SHMT2: variants seen among roughly 807,000 people sequenced by gnomAD.
SHMT2 encodes serine hydroxymethyltransferase, mitochondrial.
Under a neutral mutation model 59.6 loss-of-function variants are expected in SHMT2, and 38 were observed. That is an observed-to-expected ratio of 0.64 (90% CI 0.49 to 0.84). The LOEUF is 0.84. Ranked by LOEUF, SHMT2 falls within the 40% of genes least tolerant of loss-of-function variation. SHMT2 has a pLI of 0.00. For missense variants in SHMT2, 533 were observed against 659.5 expected (o/e 0.81, Z 2.10); for synonymous variants, 254 against 258.1 (o/e 0.98, Z 0.15).
At chr12:57,233,437 G>A (rs1256446958) in intron 8 of SHMT2, 92 bp downstream of exon 8, 2 of 1,510,624 alleles carry the variant, frequency 1.3e-6, no homozygotes, top group East Asian at 2.3e-5. Flanking sequence ...GCTGATGGAA[G>A]GGAAATGCCA....
rs758782130 is a variant in SHMT2 at position 57,231,757 on chromosome 12, G to A, written c.356G>A (p.Cys119Tyr). 7 of 1,614,108 alleles carry A rather than the reference G, an allele frequency of 4.3e-6. No homozygotes were observed. Among genetic ancestry groups the A allele is most frequent in the Admixed American group, 1.7e-5 (1 of 60,014 alleles). ...AEVVDEIELL[C>Y]QRRALEAFDL... is the part of the protein sequence containing the mutation. ...GTGGTGGATGAAATTGAGCTGCTGT[G>A]CCAGCGCCGGGCCTTGGAAGCCTTT... The change falls in exon 4 of 12, where the codon TGC becomes TAC. Residue 119 changes from cysteine to tyrosine, a missense_variant. Cys to Tyr is a radical substitution (Grantham distance 194, BLOSUM62 -2). Coordinates refer to ENST00000328923, the MANE Select transcript of SHMT2 (RefSeq NM_005412.6).
rs1402843290 is a variant in SHMT2 at position 57,231,766 on chromosome 12, G to A, written c.365G>A (p.Arg122Gln). The A allele has an allele frequency of 5.6e-6, 9 of 1,614,068 alleles. No individual in the cohort carries two copies. The highest frequency in any genetic ancestry group is 2.2e-5 in the South Asian group (2 of 91,094). ...VDEIELLCQRRALEAFDLDPA... is the reference protein window; with the variant it reads ...VDEIELLCQRQALEAFDLDPA... ...GAAATTGAGCTGCTGTGCCAGCGCC[G>A]GGCCTTGGAAGCCTTTGACCTGGAT... is the stretch of plus-strand genomic sequence containing the variant. Residue 122 changes from arginine (R) to glutamine (Q), a missense_variant, in exon 4 of 12, where the codon CGG (arginine) becomes CAG (glutamine). Physicochemically the swap from Arg to Gln is conservative, Grantham distance 43. Transcript: ENST00000328923.
At chr12:57,230,100 G>A (rs759414309) in intron 1 of SHMT2, 26 of 1,356,402 alleles carry the variant, frequency 1.9e-5, no homozygotes, top group Non-Finnish European at 1.7e-5. Flanking sequence ...ACCCGGTGCT[G>A]GCAAATGAGC....
Position 57,233,989 on chromosome 12 carries a change from G to A in SHMT2, c.1280-14G>A. 1.2e-6 allele frequency: 2 copies of A among 1,614,186 alleles called. No homozygotes were observed. Among genetic ancestry groups the A allele is most frequent in the Admixed American group, 1.7e-5 (1 of 60,030 alleles). ...TTGGGCTATGCTCATCCCTCCCCTTGTGCCTCGTTCCAGGGGCCCCAGCCT... is the reference window on the plus strand; with the variant it reads ...TTGGGCTATGCTCATCCCTCCCCTTATGCCTCGTTCCAGGGGCCCCAGCCT... On this transcript the variant is annotated splice_polypyrimidine_tract_variant and intron_variant, in intron 10 of 11. Coordinates refer to ENST00000328923, the MANE Select transcript of SHMT2 (RefSeq NM_005412.6).
rs761994073 is a variant in SHMT2 at position 57,233,550 on chromosome 12, G to C, written c.1024-13G>C. On this transcript the variant is annotated splice_polypyrimidine_tract_variant and intron_variant, in intron 8 of 11. Transcript: ENST00000328923. ...CAGGCCTAGGGTGACAGCTGCTACT[G>C]TCTCATCTCCAGGCCTGCACCCCCA... The C allele has an allele frequency of 1.2e-6, 2 of 1,609,992 alleles. No homozygotes were observed. The highest frequency in any genetic ancestry group is 1.1e-5 in the South Asian group (1 of 90,514).
Position 57,231,805 on chromosome 12 carries a change from G to A in SHMT2, c.404G>A (p.Gly135Glu), listed in dbSNP as rs1281896384. The A allele has an allele frequency of 1.2e-6, 2 of 1,614,226 alleles. No individual in the cohort carries two copies. The highest frequency in any genetic ancestry group is 1.7e-6 in the Non-Finnish European group (2 of 1,180,030). ...EAFDLDPAQWGVNVQPYSGSP... is the reference protein window; with the variant it reads ...EAFDLDPAQWEVNVQPYSGSP... ...TTTGACCTGGATCCTGCACAGTGGG[G>A]AGTCAATGTCCAGCCCTACTCCGGG... The change falls in exon 4 of 12, where the codon GGA (glycine) becomes GAA (glutamate). Residue 135 changes from glycine to glutamate, a missense_variant. By Grantham distance (98) the Gly-to-Glu change is moderately conservative. Transcript: ENST00000328923.
At chr12:57,233,727 C>T (rs746711487) in intron 9 of SHMT2, 22 bp from the exon 10 acceptor site, 4 of 1,613,580 alleles carry the variant, frequency 2.5e-6, no homozygotes, top group Non-Finnish European at 3.4e-6. Flanking sequence ...ACTCACCACT[C>T]CCCATTTCTT....
intron 7 of SHMT2, 135 bp downstream of exon 7, chr12:57,232,978 CCTT>C (rs2037390091): frequency 7.5e-7 from 1 of 1,334,468 alleles, no homozygotes; most frequent in Admixed American, 2.4e-5. Flanking sequence ...TGAGAGTTCT[CCTT>C]CTCTTGCCCA....
In SHMT2 at chr12:57,233,669, C is replaced by T. The variant is rs1457248028; in HGVS notation, c.1123+7C>T. ...GGCTACTCACTGGTATCAGGTAAGC[C>T]AGCAGGTGATGGGTGAGGGCCTCTG... On this transcript the variant is annotated splice_region_variant and intron_variant, in intron 9 of 11. Coordinates refer to ENST00000328923, the MANE Select transcript of SHMT2 (RefSeq NM_005412.6). The T allele has an allele frequency of 1.9e-6, 3 of 1,613,676 alleles. No homozygotes were observed. Among genetic ancestry groups the T allele is most frequent in the African/African-American group, 1.3e-5 (1 of 75,066 alleles).
chr12:57,233,741 C>T lies in SHMT2; in HGVS notation c.1124-8C>T, dbSNP rs776660365. The T allele has an allele frequency of 2.4e-5, 39 of 1,613,734 alleles. No homozygotes were observed. In the South Asian group the frequency reaches 4.0e-4, roughly 16 times the overall value. On this transcript the variant is annotated splice_region_variant and splice_polypyrimidine_tract_variant and intron_variant, in intron 9 of 11. Transcript: ENST00000328923. ...GACTCACCACTCCCCATTTCTTACCCACCTTAGGTGGTACTGACAACCACC... is the reference window on the plus strand; with the variant it reads ...GACTCACCACTCCCCATTTCTTACCTACCTTAGGTGGTACTGACAACCACC...
In SHMT2 at chr12:57,232,833, C is replaced by G; in HGVS notation, c.847C>G (p.Arg283Gly). The G allele has an allele frequency of 6.2e-7, 1 of 1,608,948 alleles. No homozygotes were observed. Among genetic ancestry groups the G allele is most frequent in the East Asian group, 2.2e-5 (1 of 44,732 alleles). The change falls in exon 7 of 12, where the codon CGA becomes GGA. Residue 283 changes from arginine (R) to glycine (G), a missense_variant. Coordinates refer to ENST00000328923, the MANE Select transcript of SHMT2 (RefSeq NM_005412.6). ...CACCACCACTACTCACAAGACTCTT[C>G]GAGGGGCCAGGTCAGGCTCCCTGAG... Reference protein sequence around the residue: ...IVTTTTHKTLRGARSGLIFYR... With the variant: ...IVTTTTHKTLGGARSGLIFYR...
At position 57,233,656 on chromosome 12, in the gene SHMT2, G is replaced by A; in HGVS notation, c.1117G>A (p.Val373Ile). ...DALLERGYSL[V>I]SGGTDNHLVL... ...CCTGCTAGAGCGAGGCTACTCACTG[G>A]TATCAGGTAAGCCAGCAGGTGATGG... Residue 373 changes from valine to isoleucine, a missense_variant, in exon 9 of 12, where the codon GTA becomes ATA. Coordinates refer to ENST00000328923, the MANE Select transcript of SHMT2 (RefSeq NM_005412.6). The A allele has an allele frequency of 6.2e-7, 1 of 1,613,996 alleles. No homozygotes were observed. The highest frequency in any genetic ancestry group is 8.5e-7 in the Non-Finnish European group (1 of 1,179,908).
intron 1 of SHMT2, 26 bp downstream of exon 1, chr12:57,229,837 G>C (rs2037240272): frequency 6.2e-7 from 1 of 1,613,968 alleles, no homozygotes; most frequent in Non-Finnish European, 8.5e-7. Context: ...CAAACGCTGG[G>C]TAATCAGTGG....
intron 11 of SHMT2, 37 bp downstream of exon 11, chr12:57,234,147 C>G (rs763786122): frequency 1.2e-6 from 2 of 1,613,410 alleles, no homozygotes; most frequent in East Asian, 4.5e-5. Context: ...CCAGCCAGTT[C>G]CCACTCACTG....
In SHMT2 at chr12:57,234,589, G is replaced by C. The variant is rs1280091630; in HGVS notation, c.*228G>C. 2 of 419,740 alleles carry C rather than the reference G, an allele frequency of 4.8e-6. No homozygotes were observed. The highest frequency in any genetic ancestry group is 5.4e-5 in the South Asian group (1 of 18,608). 26.0% of individuals were successfully genotyped at this position (419,740 alleles called of 1,614,324 possible). On this transcript the variant is annotated 3_prime_UTR_variant, in exon 12 of 12. Coordinates refer to ENST00000328923, the MANE Select transcript of SHMT2 (RefSeq NM_005412.6). Reference sequence around the variant, plus strand: ...AGGAGGGCCCAGGCACTTTCTGTTTGAACCCCTGTCATGATCACAGTGTCA... The same window carrying C: ...AGGAGGGCCCAGGCACTTTCTGTTTCAACCCCTGTCATGATCACAGTGTCA...
At position 57,232,565 on chromosome 12, in the gene SHMT2, G is replaced by A. The variant is rs201088482; in HGVS notation, c.707G>A (p.Arg236His). The change falls in exon 6 of 12, where the codon CGC (arginine) becomes CAC (histidine). Residue 236 changes from arginine to histidine, a missense_variant. Transcript: ENST00000328923. ...SAYARLIDYA[R>H]MREVCDEVKA... ...TATGCTCGCCTCATTGACTACGCCC[G>A]CATGAGAGAGGTTGGTGGGGGGGGC... The A allele has an allele frequency of 1.2e-5, 19 of 1,614,156 alleles. No homozygotes were observed. Among genetic ancestry groups the A allele is most frequent in the Admixed American group, 1.2e-4 (7 of 60,030 alleles).
At chr12:57,229,854 A>G in intron 1 of SHMT2, 43 bp downstream of exon 1, 1 of 1,612,642 alleles carries the variant, frequency 6.2e-7, no homozygotes, top group Non-Finnish European at 8.5e-7. Context: ...GTGGAAAGGA[A>G]GCTCTTCTCC....
rs770305738 is a variant in SHMT2 at position 57,234,221 on chromosome 12, C to A, written c.1388-13C>A. On this transcript the variant is annotated splice_polypyrimidine_tract_variant and intron_variant, in intron 11 of 11. Transcript: ENST00000328923. ...GAGCTCTGACCACTTGTTTCCTCAC[C>A]CTCTCTCTCTAGCCAAGCTCCAGGA... The A allele has an allele frequency of 6.2e-7, 1 of 1,611,514 alleles. No individual in the cohort carries two copies. Among genetic ancestry groups the A allele is most frequent in the Non-Finnish European group, 8.5e-7 (1 of 1,178,308 alleles).
At position 57,234,520 on chromosome 12, in the gene SHMT2, G is replaced by C; in HGVS notation, c.*159G>C. On this transcript the variant is annotated 3_prime_UTR_variant, in exon 12 of 12. Transcript: ENST00000328923. ...GTCTCCCTTCCCAGAATTTGTAACT[G>C]AGAAGATCTTTTCTTTTTCCTTTTT... is the stretch of plus-strand genomic sequence containing the variant. The C allele has an allele frequency of 1.4e-6, 1 of 714,520 alleles. No individual in the cohort carries two copies. The highest frequency in any genetic ancestry group is 2.1e-6 in the Non-Finnish European group (1 of 480,142). The allele number at this position is 714,520 out of a possible 1,614,324, so 44.3% of individuals were successfully genotyped here.
Sources: gnomAD v4.1 joint callset for allele counts on GRCh38, gnomAD v4.1.1 for gene constraint, MANE v1.5 for transcripts, NCBI Gene and HGNC (gene_info 2026-07-23, HGNC 2026-07-21) for gene names.